The following MOGAT3 variants were observed in gnomAD, a reference collection of about 807,000 sequenced individuals.
MOGAT3 encodes monoacylglycerol O-acyltransferase 3.
In MOGAT3, 39 loss-of-function variants were observed where a neutral mutation model predicts 34.4. The ratio of observed to expected loss-of-function variants is 1.13; its 90% confidence interval spans 0.88 to 1.48. The LOEUF is 1.48. Among genes scored for constraint, MOGAT3 ranks in the 40% most tolerant of loss-of-function variants. The probability of loss-of-function intolerance (pLI) is 0.00; values close to 1 mark genes in which losing one functional copy is unlikely to be tolerated. For synonymous variants in MOGAT3, 209 were observed against 179.2 expected (o/e 1.17, Z -1.33); for missense variants, 439 against 438.9 (o/e 1.00, Z 0.00).
In MOGAT3 at chr7:101,200,770, A is replaced by T. The variant is rs756660816; in HGVS notation, c.85T>A (p.Tyr29Asn). ...CCCATGAAGAGGAAAGTGAGCACAT[A>T]TTGGTAGGCGCCCACTGCTTCTAGA... The part of the protein sequence containing the change: ...QHLEAVGAYQ[Y>N]VLTFLFMGPF... Residue 29 changes from tyrosine (Y) to asparagine (N), a missense_variant, in exon 1 of 7, where the codon TAT (tyrosine) becomes AAT (asparagine). Physicochemically the swap from Tyr to Asn is moderately radical, Grantham distance 143. Coordinates refer to ENST00000223114, the MANE Select transcript of MOGAT3 (RefSeq NM_178176.4). The T allele has an allele frequency of 5.0e-6, 8 of 1,613,988 alleles. No homozygotes were observed. The highest frequency in any genetic ancestry group is 6.8e-6 in the Non-Finnish European group (8 of 1,179,954).
intron 5 of MOGAT3, 84 bp from the exon 6 acceptor site, chr7:101,196,473 C>T (rs1278804924): frequency 1.1e-6 from 1 of 916,176 alleles, no homozygotes; most frequent in Non-Finnish European, 1.7e-6. Context: ...AAGTCCTTCC[C>T]ACTACGTCCA....
downstream of MOGAT3, among the ~76,000 whole-genome samples, chr7:101,194,281 G>A (rs567593674): frequency 1.2e-3 from 180 of 151,748 alleles, no homozygotes; most frequent in Admixed American, 2.9e-3. Context: ...TCCGCCTCCC[G>A]TGTTCAAGCA....
chr7:101,196,234 G>C lies in MOGAT3; in HGVS notation c.824C>G (p.Ala275Gly), dbSNP rs1158385749. The change falls in exon 6 of 7, where the codon GCC becomes GGC. Residue 275 changes from alanine to glycine, a missense_variant. By Grantham distance (60) the Ala-to-Gly change is moderately conservative. Coordinates refer to ENST00000223114, the MANE Select transcript of MOGAT3 (RefSeq NM_178176.4). ...AAAGGGCAGCAGGCCCCAGGAGGTG[G>C]CTGAGAAGAGACCGCGACCCCAGAA... is the stretch of plus-strand genomic sequence containing the variant. ...CIFWGRGLFS[A>G]TSWGLLPFAV... 2 of 1,595,022 alleles carry C rather than the reference G, an allele frequency of 1.3e-6. No homozygotes were observed. Among genetic ancestry groups the C allele is most frequent in the South Asian group, 1.1e-5 (1 of 88,670 alleles).
intron 3 of MOGAT3, 125 bp from the exon 4 acceptor site, chr7:101,198,955 C>T: frequency 2.6e-6 from 2 of 756,712 alleles, no homozygotes; most frequent in Non-Finnish European, 2.2e-6. Flanking sequence ...GCCACCCCAG[C>T]AGAGTTCCGA....
At chr7:101,193,274 T>C (rs954255285), downstream of MOGAT3, among the ~76,000 whole-genome samples, 1 of 151,904 alleles carries the variant, frequency 6.6e-6, no homozygotes, top group Non-Finnish European at 1.5e-5. Context: ...GTCTGGAAAA[T>C]GTGCCCACTG....
At chr7:101,197,196 TAA>T (rs539490694) in intron 5 of MOGAT3, among the ~76,000 whole-genome samples, 108 of 152,164 alleles carry the variant, frequency 7.1e-4, no homozygotes, top group Middle Eastern at 3.4e-3. Context: ...TAAAAAATTT[TAA>T]AAGAGACAAG....
Position 101,195,378 on chromosome 7 carries a change from CTAA to C in MOGAT3, c.*565_*567del, listed in dbSNP as rs1187431643. 1.3e-5 allele frequency: 2 copies of C among 152,754 alleles called. No individual in the cohort carries two copies. Among genetic ancestry groups the C allele is most frequent in the African/African-American group, 4.9e-5 (2 of 41,130 alleles). 9.5% of individuals were successfully genotyped at this position (152,754 alleles called of 1,614,324 possible). A position where few individuals can be genotyped will look rare whatever the true frequency, so the allele number is the denominator to read the frequency against. On this transcript the variant is annotated 3_prime_UTR_variant, in exon 7 of 7. Coordinates refer to ENST00000223114, the MANE Select transcript of MOGAT3 (RefSeq NM_178176.4). ...TATAGGCATGAGCCACCATGCCCGGCTAATTTTTGTAGTTTTAGTAGAGAGGGG... is the reference window on the plus strand; with the variant it reads ...TATAGGCATGAGCCACCATGCCCGGCTTTTTGTAGTTTTAGTAGAGAGGGG...
chr7:101,195,966 T>C lies in MOGAT3; in HGVS notation c.1006A>G (p.Thr336Ala). ...HKESCGVPAS[T>A]CLTFI is the part of the protein sequence containing the mutation. ...CAGGCCTAGATGAAGGTGAGGCAGG[T>C]GGAAGCGGGGACCCCACAGCTTTCC... The change falls in exon 7 of 7, where the codon ACC becomes GCC. Residue 336 changes from threonine (T) to alanine (A), a missense_variant. By Grantham distance (58) the Thr-to-Ala change is moderately conservative. Coordinates refer to ENST00000223114, the MANE Select transcript of MOGAT3 (RefSeq NM_178176.4). 6.2e-7 allele frequency: 1 copy of C among 1,613,954 alleles called. No individual in the cohort carries two copies. The highest frequency in any genetic ancestry group is 8.5e-7 in the Non-Finnish European group (1 of 1,180,000).
At chr7:101,199,380 T>G (rs1584241830) in intron 3 of MOGAT3, among the ~76,000 whole-genome samples, 1 of 151,886 alleles carries the variant, frequency 6.6e-6, no homozygotes, top group South Asian at 2.1e-4. Flanking sequence ...TGGCATCATC[T>G]CAGCTCACCA....
In MOGAT3 at chr7:101,195,129, A is replaced by C. The variant is rs1264847952; in HGVS notation, c.*817T>G. 1 of 152,310 alleles carries C rather than the reference A, an allele frequency of 6.6e-6. No homozygotes were observed. Among genetic ancestry groups the C allele is most frequent in the Non-Finnish European group, 1.5e-5 (1 of 68,098 alleles). 9.4% of individuals were successfully genotyped at this position (152,310 alleles called of 1,614,324 possible). A position where few individuals can be genotyped will look rare whatever the true frequency, so the allele number is the denominator to read the frequency against. On this transcript the variant is annotated 3_prime_UTR_variant, in exon 7 of 7. Transcript: ENST00000223114. ...AGGACAGTTCAGGGTCCTGATACCC[A>C]ATCTAAGGCAGCAGCTTTGTAGCAC... is the stretch of plus-strand genomic sequence containing the variant.
At chr7:101,199,614 C>CTTT (rs71126387) in intron 3 of MOGAT3, among the ~76,000 whole-genome samples, 1 of 116,420 alleles carries the variant, frequency 8.6e-6, no homozygotes, top group Non-Finnish European at 1.7e-5. Flanking sequence ...CCACAACCGC[C>CTTT]TTTTTTTTTT....
rs200237032 is a variant in MOGAT3, at chr7:101,198,835, G to A, written c.289-5C>T. On this transcript the variant is annotated splice_region_variant and splice_polypyrimidine_tract_variant and intron_variant, in intron 3 of 6. Coordinates refer to ENST00000223114, the MANE Select transcript of MOGAT3 (RefSeq NM_178176.4). ...CAGCTCTGCTGTTTTCACCAGCTTC[G>A]GGGTGTTGAGCAGGATGAAGGGAGG... 2.8e-4 allele frequency: 452 copies of A among 1,613,848 alleles called. No homozygotes were observed. The highest frequency in any genetic ancestry group is 3.5e-4 in the Non-Finnish European group (409 of 1,179,894).
Position 101,195,960 on chromosome 7 carries a change from G to A in MOGAT3, c.1012C>T (p.Leu338Phe), listed in dbSNP as rs200175295. 5.6e-6 allele frequency: 9 copies of A among 1,614,192 alleles called. No individual in the cohort carries two copies. Among genetic ancestry groups the A allele is most frequent in the South Asian group, 1.1e-5 (1 of 91,086 alleles). Residue 338 changes from leucine (L) to phenylalanine (F), a missense_variant, in exon 7 of 7, where the codon CTC becomes TTC. Transcript: ENST00000223114. Reference protein sequence around the residue: ...ESCGVPASTCLTFI With the variant: ...ESCGVPASTCFTFI Reference sequence around the variant, plus strand: ...CGCGGCCAGGCCTAGATGAAGGTGAGGCAGGTGGAAGCGGGGACCCCACAG... The same window carrying A: ...CGCGGCCAGGCCTAGATGAAGGTGAAGCAGGTGGAAGCGGGGACCCCACAG...
chr7:101,198,982 A>T, intron 3 of MOGAT3, 152 bp from the exon 4 acceptor site: 5 of 514,982 alleles, frequency 9.7e-6, no homozygotes, highest in African/African-American at 2.0e-5. Flanking sequence ...GGTTCTTAGG[A>T]TAGGGTTAAG....
chr7:101,200,540 G>A, intron 1 of MOGAT3, 25 bp from the exon 2 acceptor site: 5 of 1,533,128 alleles, frequency 3.3e-6, no homozygotes, highest in Non-Finnish European at 4.4e-6. Flanking sequence ...AGAAAGAAAA[G>A]AGTTCACTTC....
chr7:101,197,080 A>C (rs1408835166), intron 5 of MOGAT3, among the ~76,000 whole-genome samples: 2 of 151,882 alleles, frequency 1.3e-5, no homozygotes, highest in African/African-American at 4.8e-5. Context: ...CGGGAGGTGG[A>C]GGTTGCAGCG....
chr7:101,198,854 AG>A lies in MOGAT3; in HGVS notation c.289-25del. ...AGCTTCGGGGTGTTGAGCAGGATGA[AG>A]GGAGGATGGAAGGCAAGACACCGGC... On this transcript the variant is annotated intron_variant, in intron 3 of 6. Coordinates refer to ENST00000223114, the MANE Select transcript of MOGAT3 (RefSeq NM_178176.4). 29 of 1,610,400 alleles carry A rather than the reference AG, an allele frequency of 1.8e-5. 3 individuals carry two copies. In the Middle Eastern group the frequency reaches 4.6e-3, roughly 257 times the overall value.
chr7:101,195,864 T>A lies in MOGAT3; in HGVS notation c.*82A>T. On this transcript the variant is annotated 3_prime_UTR_variant, in exon 7 of 7. Coordinates refer to ENST00000223114, the MANE Select transcript of MOGAT3 (RefSeq NM_178176.4). ...CACTGCGCTGGGCCCAGAACTACCTTTTATTGGAGGCATGGAGTCCACAGT... is the reference window on the plus strand; with the variant it reads ...CACTGCGCTGGGCCCAGAACTACCTATTATTGGAGGCATGGAGTCCACAGT... 6.9e-7 allele frequency: 1 copy of A among 1,451,854 alleles called. No individual in the cohort carries two copies. The highest frequency in any genetic ancestry group is 9.6e-7 in the Non-Finnish European group (1 of 1,042,732). The allele number at this position is 1,451,854 out of a possible 1,614,324, so 89.9% of individuals were successfully genotyped here.
intron 5 of MOGAT3, among the ~76,000 whole-genome samples, chr7:101,197,089 C>G (rs971838070): frequency 6.7e-6 from 1 of 149,632 alleles, no homozygotes; most frequent in Non-Finnish European, 1.5e-5. Flanking sequence ...GAGGTTGCAG[C>G]GAGCCGAGAT....
Sources: gnomAD v4.1 joint callset for allele counts (sites outside exome capture counted in the v4.1 genomes callset) on GRCh38, gnomAD v4.1.1 for gene constraint, MANE v1.5 for transcripts, NCBI Gene and HGNC (gene_info 2026-07-23, HGNC 2026-07-21) for gene names.